Variants in PDS5A observed in about 807,000 individuals in gnomAD.
The protein encoded by PDS5A is sister chromatid cohesion protein PDS5 homolog A.
A neutral mutation model predicts 167.1 loss-of-function variants in PDS5A; 42 were observed. The observed-to-expected ratio is 0.25, with a 90% CI of 0.20 to 0.33. The LOEUF is 0.33. Among genes scored for constraint, PDS5A ranks in the 10% least tolerant of loss-of-function variants. The pLI is 1.00. For missense variants in PDS5A, 1,033 were observed against 1,605.9 expected (o/e 0.64, Z 6.10); for synonymous variants, 553 against 554.6 (o/e 1.00, Z 0.04).
intron 19 of PDS5A, 106 bp downstream of exon 19, chr4:39,876,887 T>C (rs1178578592): frequency 3.9e-6 from 3 of 760,540 alleles, no homozygotes; most frequent in Non-Finnish European, 6.1e-6. Context: ...TAAATCAAAG[T>C]TGTCTTTCTT....
Position 39,841,939 on chromosome 4 carries a change from A to T in PDS5A, c.3657+9T>A. 1 of 1,456,346 alleles carries T rather than the reference A, an allele frequency of 6.9e-7. No homozygotes were observed. The highest frequency in any genetic ancestry group is 9.6e-7 in the Non-Finnish European group (1 of 1,039,774). The allele number at this position is 1,456,346 out of a possible 1,614,324, so 90.2% of individuals were successfully genotyped here. On this transcript the variant is annotated intron_variant, in intron 31 of 32. Coordinates refer to ENST00000303538, the MANE Select transcript of PDS5A (RefSeq NM_001100399.2). ...GGAAAAAATCCACTTGTTAAATTTT[A>T]AAATTTACCTTATTCTTTACTGGGT... is the stretch of plus-strand genomic sequence containing the variant.
rs1295633701 is a variant in PDS5A, at chr4:39,892,093, CAAAACAA to C, written c.1771-1736_1771-1730del. On this transcript the variant is annotated intron_variant, in intron 16 of 32. Transcript: ENST00000303538. ...TTGCACAGCTGCACAGACTCTGTCT[CAAAACAA>C]AAAACAAAAAACAAAAAAAAGTTAA... 4.6e-5 allele frequency among the ~76,000 whole-genome samples: 7 copies of C among 151,264 alleles called. No homozygotes were observed. The South Asian group carries it at 1.3e-3, about 27-fold the overall frequency.
chr4:39,894,391 G>A (rs1722218221), intron 16 of PDS5A, among the ~76,000 whole-genome samples: 1 of 151,348 alleles, frequency 6.6e-6, no homozygotes, highest in South Asian at 2.1e-4. Context: ...CTGGGTGACA[G>A]AGCAAGACCC....
At chr4:39,954,006 C>G (rs1728657163) in intron 2 of PDS5A, among the ~76,000 whole-genome samples, 1 of 151,848 alleles carries the variant, frequency 6.6e-6, no homozygotes. Flanking sequence ...AAAACAAAAC[C>G]CAATAGGCCC....
rs1357724870 is a variant in PDS5A, at chr4:39,844,652, T to C, written c.3548+4A>G. ...GTAACAAAATAATTGGAGAGAAAAG[T>C]TGCCTTGATCGATTTCCGGTTGAAG... On this transcript the variant is annotated splice_donor_region_variant and intron_variant, in intron 30 of 32. Coordinates refer to ENST00000303538, the MANE Select transcript of PDS5A (RefSeq NM_001100399.2). The C allele has an allele frequency of 6.2e-7, 1 of 1,602,694 alleles. No individual in the cohort carries two copies. The highest frequency in any genetic ancestry group is 2.2e-5 in the East Asian group (1 of 44,820).
At chr4:39,836,133 T>C (rs892788036) in intron 32 of PDS5A, among the ~76,000 whole-genome samples, 2 of 152,360 alleles carry the variant, frequency 1.3e-5, no homozygotes, top group Non-Finnish European at 2.9e-5. Flanking sequence ...TACTGATCCA[T>C]TTAATTCGTA....
At chr4:39,951,292 G>A (rs1728328347) in intron 2 of PDS5A, among the ~76,000 whole-genome samples, 1 of 152,184 alleles carries the variant, frequency 6.6e-6, no homozygotes, top group Non-Finnish European at 1.5e-5. Context: ...TTGATATTTA[G>A]AGATGATAAT....
chr4:39,858,892 A>G (rs1043920283), intron 26 of PDS5A, among the ~76,000 whole-genome samples: 1 of 152,170 alleles, frequency 6.6e-6, no homozygotes, highest in Admixed American at 6.6e-5. Context: ...AAAACACAGT[A>G]AAAAATTTTT....
At chr4:39,974,700 C>T (rs1310618755) in intron 2 of PDS5A, among the ~76,000 whole-genome samples, 4 of 152,066 alleles carry the variant, frequency 2.6e-5, no homozygotes, top group African/African-American at 4.8e-5. Context: ...TGCGCCACCA[C>T]GCCCAGCTAA....
At chr4:39,879,705 C>T in intron 18 of PDS5A, 23 bp downstream of exon 18, 1 of 1,428,990 alleles carries the variant, frequency 7.0e-7, no homozygotes, top group Non-Finnish European at 9.9e-7. Context: ...AAATACATGG[C>T]AACAAAACTG....
intron 26 of PDS5A, among the ~76,000 whole-genome samples, chr4:39,853,473 C>T (rs528079015): frequency 5.9e-5 from 9 of 152,130 alleles, no homozygotes; most frequent in Non-Finnish European, 1.2e-4. Flanking sequence ...CCAATCTTTA[C>T]TCTACTCATA....
Position 39,825,790 on chromosome 4 carries a change from G to A in PDS5A, c.4011-302C>T, listed in dbSNP as rs139585063. ...TAATTTTTAAATTATTTGTACAGAC[G>A]GGATCTCATTATGTTGCCCAGGCTG... On this transcript the variant is annotated intron_variant, in intron 32 of 32. Coordinates refer to ENST00000303538, the MANE Select transcript of PDS5A (RefSeq NM_001100399.2). Among the ~76,000 whole-genome samples, 869 of 151,898 alleles carry A rather than the reference G, an allele frequency of 5.7e-3. 7 individuals are homozygous for A. The highest frequency in any genetic ancestry group is 0.019 in the African/African-American group (800 of 41,406).
chr4:39,918,558 A>G (rs1004947096), intron 7 of PDS5A, among the ~76,000 whole-genome samples: 2 of 152,178 alleles, frequency 1.3e-5, no homozygotes, highest in Non-Finnish European at 2.9e-5. Context: ...TTAAGTTAGA[A>G]AATATTCATT....
In PDS5A at chr4:39,888,161, G is replaced by GC. The variant is rs374404360; in HGVS notation, c.1886+2087dup. Reference sequence around the variant, plus strand: ...CTACTCGGGAGGCTGACGCAGAACTGCGTGAACCTGGGAGGTGAAGATTGC... The same window carrying GC: ...CTACTCGGGAGGCTGACGCAGAACTGCCGTGAACCTGGGAGGTGAAGATTGC... On this transcript the variant is annotated intron_variant, in intron 17 of 32. Transcript: ENST00000303538. Among the ~76,000 whole-genome samples the GC allele has an allele frequency of 5.9e-3, 883 of 149,632 alleles. 7 individuals carry two copies. The highest frequency in any genetic ancestry group is 0.02 in the African/African-American group (817 of 40,570).
intron 32 of PDS5A, among the ~76,000 whole-genome samples, chr4:39,830,567 A>G (rs1464296940): frequency 2.0e-5 from 3 of 152,172 alleles, no homozygotes; most frequent in African/African-American, 4.8e-5. Context: ...CTGAGATTAC[A>G]GGTGTGTGCC....
At chr4:39,940,502 A>T (rs1334526467) in intron 2 of PDS5A, among the ~76,000 whole-genome samples, 2 of 152,198 alleles carry the variant, frequency 1.3e-5, no homozygotes, top group African/African-American at 4.8e-5. Context: ...ATATATAAGA[A>T]TTTTAGATAC....
intron 32 of PDS5A, among the ~76,000 whole-genome samples, chr4:39,826,024 C>T (rs753445020): frequency 3.3e-5 from 5 of 152,108 alleles, no homozygotes; most frequent in African/African-American, 9.7e-5. Flanking sequence ...TTTTCAATGA[C>T]TTAGTGCTGC....
intron 8 of PDS5A, among the ~76,000 whole-genome samples, chr4:39,916,670 A>G (rs1343373102): frequency 6.6e-6 from 1 of 152,160 alleles, no homozygotes; most frequent in African/African-American, 2.4e-5. Flanking sequence ...GATTGAGACC[A>G]GCCTGGCCAA....
At chr4:39,964,346 T>G (rs1729776834) in intron 2 of PDS5A, among the ~76,000 whole-genome samples, 1 of 152,150 alleles carries the variant, frequency 6.6e-6, no homozygotes, top group Admixed American at 6.6e-5. Context: ...GATTAAATTA[T>G]GTAAATAAGG....
Sources: gnomAD v4.1 joint callset for allele counts (sites outside exome capture counted in the v4.1 genomes callset) on GRCh38, gnomAD v4.1.1 for gene constraint, MANE v1.5 for transcripts, NCBI Gene and HGNC (gene_info 2026-07-23, HGNC 2026-07-21) for gene names.